KMT5B: variants seen among roughly 807,000 people sequenced by gnomAD.
The protein encoded by KMT5B is histone-lysine N-methyltransferase KMT5B.
In KMT5B, 10 loss-of-function variants were observed where a neutral mutation model predicts 83.2. The observed-to-expected ratio is 0.12, with a 90% confidence interval of 0.07 to 0.20. The LOEUF is 0.20. KMT5B is among the 10% of genes least tolerant of loss of function. KMT5B has a pLI of 1.00. For missense variants in KMT5B, 753 were observed against 1,067.2 expected (o/e 0.71, Z 4.10); for synonymous variants, 349 against 388.8 (o/e 0.90, Z 1.20).
At chr11:68,188,939 C>T (rs1267881753) in intron 2 of KMT5B, among the ~76,000 whole-genome samples, 3 of 152,154 alleles carry the variant, frequency 2.0e-5, no homozygotes. Flanking sequence ...CTTGCCTCTT[C>T]CTACTCTTGT....
At chr11:68,195,665 G>C (rs973025565) in intron 1 of KMT5B, among the ~76,000 whole-genome samples, 1 of 152,182 alleles carries the variant, frequency 6.6e-6, no homozygotes, top group Non-Finnish European at 1.5e-5. Context: ...TAAAATTATA[G>C]CTCAGCATTC....
intron 9 of KMT5B, 56 bp downstream of exon 9, chr11:68,170,959 A>C (rs933741435): frequency 4.9e-5 from 75 of 1,520,706 alleles, no homozygotes; most frequent in Non-Finnish European, 6.3e-5. Context: ...TTTAATCCCC[A>C]TAATCAGGTT....
intron 5 of KMT5B, 131 bp from the exon 6 acceptor site, chr11:68,174,044 C>T (rs996935762): frequency 1.4e-6 from 1 of 710,378 alleles, no homozygotes; most frequent in African/African-American, 1.8e-5. Context: ...CATAGCGAGA[C>T]CCTGTCTCTA....
intron 10 of KMT5B, 147 bp downstream of exon 10, chr11:68,166,835 C>T (rs1413605597): frequency 1.1e-5 from 16 of 1,460,318 alleles, no homozygotes; most frequent in East Asian, 5.0e-5. Flanking sequence ...ACTCAAATCA[C>T]GTCTAGAGCC....
At chr11:68,176,645 C>G (rs138884093) in intron 4 of KMT5B, 2 of 151,984 alleles carry the variant, frequency 1.3e-5, no homozygotes, top group Admixed American at 1.3e-4. Flanking sequence ...GCCAGGCCCA[C>G]GTAGTGGTAC....
At chr11:68,175,235 C>T (rs1458071549) in intron 4 of KMT5B, 52 bp from the exon 5 acceptor site, 6 of 1,449,782 alleles carry the variant, frequency 4.1e-6, no homozygotes, top group Non-Finnish European at 5.8e-6. Context: ...CCTTGCGCCA[C>T]TGATCCATCT....
At chr11:68,164,702 G>T (rs749206191) in intron 10 of KMT5B, 2 of 511,760 alleles carry the variant, frequency 3.9e-6, no homozygotes, top group Non-Finnish European at 7.8e-6. Flanking sequence ...ATTTGAATAA[G>T]CCAAGCACCC....
rs1402006238 is a variant in KMT5B, at chr11:68,161,128, G to T, written c.1175-1957C>A. Among the ~76,000 whole-genome samples, 5 of 152,134 alleles carry T rather than the reference G, an allele frequency of 3.3e-5. No individual in the cohort carries two copies. The East Asian group carries it at 9.6e-4, about 29-fold the overall frequency. On this transcript the variant is annotated intron_variant, in intron 10 of 10. Transcript: ENST00000304363. ...TAGAATAGTAGGAGTAGTGAACTTT[G>T]AATGTGATTCAATTTGAGAACGAGT...
intron 10 of KMT5B, among the ~76,000 whole-genome samples, chr11:68,164,922 A>C (rs1855180957): frequency 6.6e-6 from 1 of 152,224 alleles, no homozygotes; most frequent in Non-Finnish European, 1.5e-5. Flanking sequence ...TGTCTTCAAG[A>C]ACTAGCAGGA....
At chr11:68,212,891 C>T (rs1218665407) in intron 1 of KMT5B, 2 of 149,256 alleles carry the variant, frequency 1.3e-5, no homozygotes, top group Non-Finnish European at 3.0e-5. Context: ...CCCGACGCTG[C>T]CCGGCGGCCG....
chr11:68,186,784 A>C (rs763020656), intron 2 of KMT5B, among the ~76,000 whole-genome samples: 1 of 152,242 alleles, frequency 6.6e-6, no homozygotes, highest in Non-Finnish European at 1.5e-5. Context: ...TCTCAAAACC[A>C]AAATGGGGAA....
chr11:68,166,887 T>C, intron 10 of KMT5B, 95 bp downstream of exon 10: 1 of 1,526,368 alleles, frequency 6.6e-7, no homozygotes, highest in Non-Finnish European at 8.8e-7. Flanking sequence ...TCTCTCTGAG[T>C]ATTTAAAAGT....
chr11:68,183,421 G>C (rs1007910742), intron 3 of KMT5B, among the ~76,000 whole-genome samples: 3 of 152,018 alleles, frequency 2.0e-5, no homozygotes, highest in Non-Finnish European at 4.4e-5. Flanking sequence ...GCAGTGGCGC[G>C]ATCCCAGCTC....
chr11:68,179,663 G>T, intron 4 of KMT5B: 1 of 1,188,394 alleles, frequency 8.4e-7, no homozygotes, highest in Non-Finnish European at 1.1e-6. Flanking sequence ...AGGGAGACAG[G>T]GAAGGAGAGA....
chr11:68,191,801 C>CG (rs1001327109), intron 1 of KMT5B, among the ~76,000 whole-genome samples: 1 of 152,106 alleles, frequency 6.6e-6, no homozygotes, highest in African/African-American at 2.4e-5. Context: ...CCTAAGTGTA[C>CG]GGTGTTAATA....
intron 1 of KMT5B, among the ~76,000 whole-genome samples, chr11:68,210,891 T>C (rs1860811026): frequency 1.3e-5 from 2 of 151,752 alleles, no homozygotes; most frequent in Non-Finnish European, 2.9e-5. Context: ...AATGGAGAGA[T>C]TTGCCAATGT....
intron 9 of KMT5B, among the ~76,000 whole-genome samples, chr11:68,170,246 G>A (rs1270992824): frequency 2.6e-5 from 4 of 152,194 alleles, no homozygotes; most frequent in Admixed American, 1.3e-4. Context: ...TCTGGTACTC[G>A]CAATGTGGGC....
chr11:68,211,674 C>G (rs1860919378), intron 1 of KMT5B, among the ~76,000 whole-genome samples: 1 of 152,114 alleles, frequency 6.6e-6, no homozygotes, highest in African/African-American at 2.4e-5. Context: ...GAAGGTTTCA[C>G]CAGGAAGCAA....
At chr11:68,161,920 T>G (rs1417472090) in intron 10 of KMT5B, among the ~76,000 whole-genome samples, 2 of 152,204 alleles carry the variant, frequency 1.3e-5, no homozygotes, top group Admixed American at 6.5e-5. Flanking sequence ...ATACTGACTG[T>G]CTCTAAGCCC....
Sources: allele counts gnomAD v4.1 joint callset (sites outside exome capture counted in the v4.1 genomes callset), GRCh38; gene constraint gnomAD v4.1.1; transcripts MANE v1.5; gene names NCBI Gene and HGNC (gene_info 2026-07-23, HGNC 2026-07-21).